AAMDC: variants seen among roughly 807,000 people sequenced by gnomAD.
AAMDC encodes mth938 domain-containing protein.
A neutral mutation model predicts 15.5 loss-of-function variants in AAMDC; 16 were observed. The observed-to-expected ratio is 1.03, with a 90% CI of 0.70 to 1.57. AAMDC has a LOEUF of 1.57. AAMDC is among the 40% of genes most tolerant of loss of function. AAMDC has a pLI of 0.00. For missense variants in AAMDC, 141 were observed against 144.9 expected, an observed-to-expected ratio of 0.97 and a Z score of 0.14; for synonymous variants, 51 against 51.6, an observed-to-expected ratio of 0.99 and a Z score of 0.05.
intron 2 of AAMDC, among the ~76,000 whole-genome samples, chr11:77,842,956 G>A (rs936205358): frequency 6.6e-6 from 1 of 152,116 alleles, no homozygotes; most frequent in East Asian, 1.9e-4. Context: ...CCCTAGAAAT[G>A]ATTAATCTAC....
At chr11:77,875,337 T>G (rs188341940), downstream of AAMDC, among the ~76,000 whole-genome samples, 4 of 152,206 alleles carry the variant, frequency 2.6e-5, no homozygotes, top group Non-Finnish European at 5.9e-5. Context: ...AGTGAGGATG[T>G]AGAAGTTGCA....
At chr11:77,841,136 G>T in intron 1 of AAMDC, 1 of 696,348 alleles carries the variant, frequency 1.4e-6, no homozygotes, top group Non-Finnish European at 2.6e-6. Flanking sequence ...GGCCATACTT[G>T]TCCTTTTATA....
intron 1 of AAMDC, chr11:77,841,213 C>T: frequency 1.4e-6 from 1 of 702,414 alleles, no homozygotes; most frequent in Non-Finnish European, 2.6e-6. Context: ...ATGGCCTAAT[C>T]AGCTCTTAAA....
rs149587982 is a variant in AAMDC at position 77,833,184 on chromosome 11, A to G, written c.-18-9295A>G. ...ACCACCACACCCAGCTAATGTTTGC[A>G]TTTTTAGTAGAGATGGGGTTTTCGC... On this transcript the variant is annotated intron_variant, in intron 1 of 3. Coordinates refer to ENST00000393427, the MANE Select transcript of AAMDC (RefSeq NM_024684.4). Among the ~76,000 whole-genome samples, 104 of 151,162 alleles carry G rather than the reference A, an allele frequency of 6.9e-4. 3 individuals carry two copies. In the East Asian group the frequency reaches 0.018, roughly 26 times the overall value.
chr11:77,830,279 T>C (rs1949361034), intron 1 of AAMDC, among the ~76,000 whole-genome samples: 3 of 152,212 alleles, frequency 2.0e-5, no homozygotes, highest in Admixed American at 1.3e-4. Flanking sequence ...CGCTGGAGGC[T>C]ATATGATCAA....
At chr11:77,886,861 C>A (rs551445658) in intron 5 of AAMDC, among the ~76,000 whole-genome samples, 2 of 152,144 alleles carry the variant, frequency 1.3e-5, no homozygotes, top group South Asian at 4.2e-4. Flanking sequence ...GGGTACATAA[C>A]GAAATGAAGG....
rs781247642 is a variant in AAMDC at position 77,833,009 on chromosome 11, ATTTT to A, written c.-18-9453_-18-9450del. Among the ~76,000 whole-genome samples the A allele has an allele frequency of 2.2e-4, 13 of 60,022 alleles. 1 individual carries two copies. The highest frequency in any genetic ancestry group is 8.4e-4 in the African/African-American group (12 of 14,214). 39.4% of individuals were successfully genotyped at this position (60,022 alleles called of 152,430 possible). ...TGTGTGTGTGTGTGTATATATATAT[ATTTT>A]TTTTTTTTTTTTTTTTGAGACAGGG... On this transcript the variant is annotated intron_variant, in intron 1 of 3. Transcript: ENST00000393427.
intron 5 of AAMDC, among the ~76,000 whole-genome samples, chr11:77,895,774 T>C (rs1197483598): frequency 6.6e-6 from 1 of 151,978 alleles, no homozygotes; most frequent in Non-Finnish European, 1.5e-5. Flanking sequence ...CTCCAGGAAG[T>C]AAAATACAAA....
intron 1 of AAMDC, among the ~76,000 whole-genome samples, chr11:77,835,347 C>T (rs2136098840): frequency 6.6e-6 from 1 of 152,240 alleles, no homozygotes; most frequent in Middle Eastern, 3.4e-3. Context: ...GACTGTGAGG[C>T]TGAAACCTGG....
At chr11:77,904,151 A>G (rs1468772664), downstream of AAMDC, among the ~76,000 whole-genome samples, 1 of 152,184 alleles carries the variant, frequency 6.6e-6, no homozygotes, top group African/African-American at 2.4e-5. Context: ...CCATGATTTT[A>G]CCTTCCATCT....
At chr11:77,867,584 G>A (rs147305877) in intron 2 of AAMDC, among the ~76,000 whole-genome samples, 347 of 152,344 alleles carry the variant, frequency 2.3e-3, no homozygotes, top group African/African-American at 7.7e-3. Flanking sequence ...TGAATGAAAG[G>A]ATAGAGGTAT....
At chr11:77,842,406 A>G in intron 1 of AAMDC, 73 bp from the exon 2 acceptor site, 4 of 1,359,476 alleles carry the variant, frequency 2.9e-6, no homozygotes, top group Non-Finnish European at 4.1e-6. Context: ...ATCAGGGCTT[A>G]GTATCACTGT....
intron 5 of AAMDC, among the ~76,000 whole-genome samples, chr11:77,882,619 T>A (rs1951836360): frequency 6.6e-6 from 1 of 152,188 alleles, no homozygotes; most frequent in African/African-American, 2.4e-5. Context: ...GATTATGGAA[T>A]GAGGAATACT....
At chr11:77,869,243 C>A (rs1951280671) in intron 2 of AAMDC, 1 of 182,910 alleles carries the variant, frequency 5.5e-6, no homozygotes, top group South Asian at 1.3e-4. Flanking sequence ...AGGTCCTGAG[C>A]CTTTTAAAAT....
intron 2 of AAMDC, among the ~76,000 whole-genome samples, chr11:77,859,128 G>A (rs1484503798): frequency 6.6e-6 from 1 of 152,200 alleles, no homozygotes; most frequent in Non-Finnish European, 1.5e-5. Flanking sequence ...TTCTTCAGTG[G>A]CTAGCCATCC....
intron 5 of AAMDC, among the ~76,000 whole-genome samples, chr11:77,895,965 A>C (rs1591023358): frequency 1.3e-5 from 2 of 152,222 alleles, no homozygotes; most frequent in African/African-American, 4.8e-5. Context: ...ACCAATTTAA[A>C]CTAGTCTAGA....
intron 2 of AAMDC, among the ~76,000 whole-genome samples, chr11:77,868,138 C>T (rs959387157): frequency 1.3e-5 from 2 of 150,272 alleles, no homozygotes; most frequent in African/African-American, 4.9e-5. Context: ...TCACTGCAAG[C>T]TCTGCCTCCC....
intron 5 of AAMDC, among the ~76,000 whole-genome samples, chr11:77,884,204 A>C (rs556568452): frequency 8.1e-4 from 124 of 152,270 alleles, no homozygotes; most frequent in African/African-American, 2.8e-3. Context: ...ATTAAGCGCA[A>C]AGACAGGTAA....
At chr11:77,867,671 G>C (rs936932283) in intron 2 of AAMDC, among the ~76,000 whole-genome samples, 2 of 152,196 alleles carry the variant, frequency 1.3e-5, no homozygotes, top group Non-Finnish European at 2.9e-5. Flanking sequence ...AACATAACAG[G>C]TGGAGCCCAG....
Sources: gnomAD v4.1 joint callset for allele counts (sites outside exome capture counted in the v4.1 genomes callset) on GRCh38, gnomAD v4.1.1 for gene constraint, MANE v1.5 for transcripts, NCBI Gene and HGNC (gene_info 2026-07-23, HGNC 2026-07-21) for gene names.